BICC1: variants seen among roughly 807,000 people sequenced by gnomAD.
BICC1 encodes the protein protein bicaudal C homolog 1.
In BICC1, 43 loss-of-function variants were observed where a neutral mutation model predicts 111.0. The observed-to-expected ratio is 0.39, with a 90% CI of 0.30 to 0.50. The LOEUF (loss-of-function observed/expected upper bound fraction) is 0.50. Among genes scored for constraint, BICC1 ranks in the 20% least tolerant of loss-of-function variants. BICC1 has a pLI of 0.88. For synonymous variants in BICC1, 467 were observed against 434.4 expected (o/e 1.07, Z -0.93); for missense variants, 1,091 against 1,203.2 (o/e 0.91, Z 1.38).
intron 1 of BICC1, among the ~76,000 whole-genome samples, chr10:58,599,551 G>T (rs1022034297): frequency 6.6e-6 from 1 of 152,100 alleles, no homozygotes; most frequent in African/African-American, 2.4e-5. Context: ...CCTAATGTAG[G>T]TGATGGGTTG....
rs1188567035 is a variant in BICC1, at chr10:58,831,251, A to G, written c.*2360A>G. The G allele has an allele frequency of 6.6e-6, 1 of 152,162 alleles. No individual in the cohort carries two copies. The highest frequency in any genetic ancestry group is 2.4e-5 in the African/African-American group (1 of 41,438). The allele number at this position is 152,162 out of a possible 1,614,324, so 9.4% of individuals were successfully genotyped here. On this transcript the variant is annotated 3_prime_UTR_variant, in exon 21 of 21. Transcript: ENST00000373886. ...TTAACTTTTAATCTGCGCCTTAATAATGACTGGTTATCTGTAAATATAGAA... is the reference window on the plus strand; with the variant it reads ...TTAACTTTTAATCTGCGCCTTAATAGTGACTGGTTATCTGTAAATATAGAA...
intron 2 of BICC1, among the ~76,000 whole-genome samples, chr10:58,695,566 G>C (rs1230136898): frequency 6.6e-6 from 1 of 152,136 alleles, no homozygotes; most frequent in East Asian, 1.9e-4. Flanking sequence ...AATATTTTTA[G>C]TAAAGTTAGT....
At position 58,803,137 on chromosome 10, in the gene BICC1, C is replaced by A; in HGVS notation, c.2076C>A (p.Asp692Glu). The change falls in exon 15 of 21, where the codon GAC becomes GAA. Residue 692 changes from aspartate (D) to glutamate (E), a missense_variant. Around this residue, in one of 3 missense-constraint regions of BICC1, gnomAD observed 843 missense variants for 900.8 expected, o/e 0.94. Transcript: ENST00000373886. Reference protein sequence around the residue: ...ELSATESPLADKKAPGSERAA... With the variant: ...ELSATESPLAEKKAPGSERAA... The stretch of plus-strand genomic sequence containing the variant: ...GTGCTACCGAAAGCCCTTTGGCTGA[C>A]AAGAAGGCTCCAGGGAGTGAGCGCG... The A allele has an allele frequency of 6.2e-7, 1 of 1,610,558 alleles. No individual in the cohort carries two copies.
intron 3 of BICC1, among the ~76,000 whole-genome samples, chr10:58,739,831 G>A (rs987090569): frequency 6.6e-6 from 1 of 152,142 alleles, no homozygotes; most frequent in East Asian, 1.9e-4. Flanking sequence ...TGGGAAATTA[G>A]TATATAAATC....
rs139044235 is a variant in BICC1 at position 58,573,526 on chromosome 10, G to T, written c.191-47329G>T. 1.1e-3 allele frequency among the ~76,000 whole-genome samples: 173 copies of T among 152,174 alleles called. 1 individual carries two copies. The highest frequency in any genetic ancestry group is 4.1e-3 in the African/African-American group (169 of 41,522). ...GGATTATAATTCTTTGTTTCTTTTG[G>T]GTAAGCATGAAGAGTGTAATAGATG... On this transcript the variant is annotated intron_variant, in intron 1 of 20. Coordinates refer to ENST00000373886, the MANE Select transcript of BICC1 (RefSeq NM_001080512.3).
At chr10:58,541,093 A>G (rs1842965860) in intron 1 of BICC1, among the ~76,000 whole-genome samples, 1 of 152,122 alleles carries the variant, frequency 6.6e-6, no homozygotes, top group African/African-American at 2.4e-5. Flanking sequence ...CCCACAACTG[A>G]CATCATACTC....
chr10:58,682,544 T>C (rs1839564944), intron 2 of BICC1, among the ~76,000 whole-genome samples: 1 of 152,214 alleles, frequency 6.6e-6, no homozygotes, highest in South Asian at 2.1e-4. Flanking sequence ...TTCCTGACTT[T>C]TTAATGATTG....
intron 1 of BICC1, among the ~76,000 whole-genome samples, chr10:58,602,821 C>T (rs1845083911): frequency 6.6e-6 from 1 of 152,098 alleles, no homozygotes; most frequent in Admixed American, 6.6e-5. Context: ...AAAACAGGAC[C>T]CATTGGGATC....
At chr10:58,584,454 G>A (rs528891626) in intron 1 of BICC1, among the ~76,000 whole-genome samples, 2 of 152,122 alleles carry the variant, frequency 1.3e-5, no homozygotes, top group African/African-American at 2.4e-5. Context: ...TATCTGGTGC[G>A]CTCCTCTGAC....
chr10:58,666,137 G>C (rs1839002440), intron 2 of BICC1, among the ~76,000 whole-genome samples: 1 of 152,132 alleles, frequency 6.6e-6, no homozygotes, highest in Non-Finnish European at 1.5e-5. Context: ...AGACTCCAGG[G>C]GTGCCTTGTG....
At chr10:58,634,646 A>G (rs1314143385) in intron 2 of BICC1, among the ~76,000 whole-genome samples, 1 of 152,080 alleles carries the variant, frequency 6.6e-6, no homozygotes, top group African/African-American at 2.4e-5. Flanking sequence ...AAGGAATTAC[A>G]TTTTACTCTT....
intron 1 of BICC1, among the ~76,000 whole-genome samples, chr10:58,570,786 C>T (rs1444661730): frequency 6.6e-6 from 1 of 152,100 alleles, no homozygotes; most frequent in Non-Finnish European, 1.5e-5. Context: ...TTTCCGAGAC[C>T]TGAACCCGTA....
At chr10:58,635,330 T>C (rs1837922344) in intron 2 of BICC1, among the ~76,000 whole-genome samples, 2 of 152,270 alleles carry the variant, frequency 1.3e-5, no homozygotes, top group Non-Finnish European at 1.5e-5. Context: ...CAGAAATATG[T>C]AATTTGTGGC....
intron 1 of BICC1, among the ~76,000 whole-genome samples, chr10:58,597,764 C>T (rs1318261263): frequency 1.3e-5 from 2 of 152,098 alleles, no homozygotes; most frequent in Admixed American, 6.6e-5. Flanking sequence ...CGATACCTCT[C>T]CTACTTGCAC....
chr10:58,682,883 T>C (rs1364343138), intron 2 of BICC1, among the ~76,000 whole-genome samples: 1 of 152,232 alleles, frequency 6.6e-6, no homozygotes, highest in Non-Finnish European at 1.5e-5. Context: ...AGATATTTAG[T>C]TTAATTAGAT....
At position 58,591,446 on chromosome 10, in the gene BICC1, G is replaced by T. The variant is rs1374359919; in HGVS notation, c.191-29409G>T. 3.9e-5 allele frequency among the ~76,000 whole-genome samples: 6 copies of T among 152,120 alleles called. No homozygotes were observed. The East Asian group carries it at 1.2e-3, about 29-fold the overall frequency. On this transcript the variant is annotated intron_variant, in intron 1 of 20. Transcript: ENST00000373886. ...AAAGATCAAGCGTCTGGCCTTCAAA[G>T]ATGTGCCTTCTCTGTAACCTCACAT... is the stretch of plus-strand genomic sequence containing the variant.
rs1253832402 is a variant in BICC1, at chr10:58,655,378, C to G, written c.237+34477C>G. The stretch of plus-strand genomic sequence containing the variant: ...TTTCATTGAGCAGTGGTTTGTAGTT[C>G]TCCTTGAAGAGGTCCTTCACATCCC... On this transcript the variant is annotated intron_variant, in intron 2 of 20. Transcript: ENST00000373886. Among the ~76,000 whole-genome samples, 17 of 121,596 alleles carry G rather than the reference C, an allele frequency of 1.4e-4. 1 individual carries two copies. The Admixed American group carries it at 1.4e-3, about 10-fold the overall frequency. The allele number at this position is 121,596 out of a possible 152,430, so 79.8% of individuals were successfully genotyped here.
rs889564118 is a variant in BICC1 at position 58,591,278 on chromosome 10, GA to G, written c.191-29572del. 2.6e-5 allele frequency among the ~76,000 whole-genome samples: 4 copies of G among 152,226 alleles called. No individual in the cohort carries two copies. In the East Asian group the frequency reaches 7.7e-4, roughly 29 times the overall value. ...GGGGACACTTTCTTTGGTCAAGACG[GA>G]AAAACAGATTCATGTTACCTGTCAT... is the stretch of plus-strand genomic sequence containing the variant. On this transcript the variant is annotated intron_variant, in intron 1 of 20. Transcript: ENST00000373886.
At chr10:58,666,814 G>C (rs1839028268) in intron 2 of BICC1, among the ~76,000 whole-genome samples, 1 of 152,042 alleles carries the variant, frequency 6.6e-6, no homozygotes, top group Non-Finnish European at 1.5e-5. Context: ...TTCAATTGCT[G>C]ATATGGCACT....
Sources: allele counts gnomAD v4.1 joint callset (sites outside exome capture counted in the v4.1 genomes callset), GRCh38; gene constraint gnomAD v4.1.1; regional missense constraint gnomAD v4.1.1; transcripts MANE v1.5; gene names NCBI Gene and HGNC (gene_info 2026-07-23, HGNC 2026-07-21).